The following TMEM132D variants were observed in gnomAD, a reference collection of about 807,000 sequenced individuals.
TMEM132D encodes mature OL transmembrane protein.
TMEM132D carries 21 observed loss-of-function variants against 62.3 expected under a neutral mutation model. The ratio of observed to expected loss-of-function variants is 0.34; its 90% confidence interval spans 0.24 to 0.49. TMEM132D has a LOEUF of 0.49. Ranked by LOEUF, TMEM132D falls within the 20% of genes least tolerant of loss-of-function variation. TMEM132D has a pLI of 0.99. For missense variants in TMEM132D, 1,346 were observed against 1,402.8 expected (o/e 0.96, Z 0.65); for synonymous variants, 621 against 575.6 (o/e 1.08, Z -1.13).
intron 2 of TMEM132D, among the ~76,000 whole-genome samples, chr12:129,541,771 T>TA (rs1481841782): frequency 2.0e-5 from 3 of 152,168 alleles, no homozygotes; most frequent in Admixed American, 2.0e-4. Flanking sequence ...TAATGAACCC[T>TA]AAGCCATGTC....
chr12:129,801,110 A>C (rs1871763152), intron 1 of TMEM132D, among the ~76,000 whole-genome samples: 1 of 152,226 alleles, frequency 6.6e-6, no homozygotes, highest in East Asian at 1.9e-4. Flanking sequence ...TCTGAGATCA[A>C]ACTGCAAGGC....
intron 2 of TMEM132D, among the ~76,000 whole-genome samples, chr12:129,651,339 G>T (rs1048610776): frequency 6.6e-6 from 1 of 152,132 alleles, no homozygotes; most frequent in Non-Finnish European, 1.5e-5. Context: ...TGTATGAAAA[G>T]CATTGCACCA....
At position 129,787,681 on chromosome 12, in the gene TMEM132D, A is replaced by G. The variant is rs902482537; in HGVS notation, c.80-86983T>C. On this transcript the variant is annotated intron_variant, in intron 1 of 8. Coordinates refer to ENST00000422113, the MANE Select transcript of TMEM132D (RefSeq NM_133448.3). ...GGGAGAGAATCCCTGAGTTCATATC[A>G]GCTCCCTCCCAAAATTTCATCAACA... Among the ~76,000 whole-genome samples, 7 of 152,174 alleles carry G rather than the reference A, an allele frequency of 4.6e-5. No homozygotes were observed. The South Asian group carries it at 1.2e-3, about 27-fold the overall frequency.
At chr12:129,693,709 G>C (rs932574328) in intron 2 of TMEM132D, among the ~76,000 whole-genome samples, 1 of 152,134 alleles carries the variant, frequency 6.6e-6, no homozygotes, top group African/African-American at 2.4e-5. Flanking sequence ...CTTCAGTAGG[G>C]AAATTTCCCC....
rs531021821 is a variant in TMEM132D, at chr12:129,484,685, A to C, written c.1115+46374T>G. ...TTCTTCTGTCTTCAGTTTCTGGAAA[A>C]GTTAGAGGCAGTTTAGCCTTCTCAG... On this transcript the variant is annotated intron_variant, in intron 3 of 8. Coordinates refer to ENST00000422113, the MANE Select transcript of TMEM132D (RefSeq NM_133448.3). Among the ~76,000 whole-genome samples, 141 of 152,336 alleles carry C rather than the reference A, an allele frequency of 9.3e-4. 1 individual carries two copies. The highest frequency in any genetic ancestry group is 4.9e-4 in the Non-Finnish European group (33 of 68,036).
intron 1 of TMEM132D, among the ~76,000 whole-genome samples, chr12:129,818,407 G>T: frequency 6.8e-6 from 1 of 146,086 alleles, no homozygotes; most frequent in Non-Finnish European, 1.5e-5. Context: ...GGGTGTGTGT[G>T]GGGTTTTAAG....
At chr12:129,680,201 G>A (rs150925774) in intron 2 of TMEM132D, among the ~76,000 whole-genome samples, 7 of 152,226 alleles carry the variant, frequency 4.6e-5, no homozygotes, top group South Asian at 2.1e-4. Context: ...TTTCTTCCAC[G>A]CGCTTGGATA....
chr12:129,501,340 C>T (rs1341300122), intron 3 of TMEM132D, among the ~76,000 whole-genome samples: 1 of 151,892 alleles, frequency 6.6e-6, no homozygotes, highest in East Asian at 1.9e-4. Context: ...AGAAAAGTAG[C>T]TTAGGGAACC....
intron 2 of TMEM132D, among the ~76,000 whole-genome samples, chr12:129,557,274 C>G (rs1877088982): frequency 6.6e-6 from 1 of 152,060 alleles, no homozygotes. Context: ...CATATAGATT[C>G]AAATTTATTT....
chr12:129,774,003 A>G (rs1237134691), intron 1 of TMEM132D, among the ~76,000 whole-genome samples: 4 of 152,214 alleles, frequency 2.6e-5, no homozygotes, highest in Admixed American at 2.0e-4. Flanking sequence ...CACTGAATAC[A>G]TGTTTGCTAC....
At chr12:129,440,804 G>A (rs1872916138) in intron 3 of TMEM132D, among the ~76,000 whole-genome samples, 1 of 152,218 alleles carries the variant, frequency 6.6e-6, no homozygotes, top group South Asian at 2.1e-4. Context: ...TTGAAGCCTG[G>A]GTTGGCAGGG....
At chr12:129,385,085 CTTTTTTTTT>C (rs869098367) in intron 3 of TMEM132D, among the ~76,000 whole-genome samples, 947 of 86,882 alleles carry the variant, frequency 0.011, 7 homozygotes, top group South Asian at 0.039. Flanking sequence ...TGTTAAAGTT[CTTTTTTTTT>C]TTTTTTTTTT....
intron 3 of TMEM132D, among the ~76,000 whole-genome samples, chr12:129,370,344 T>C (rs1870553769): frequency 6.6e-6 from 1 of 152,198 alleles, no homozygotes; most frequent in African/African-American, 2.4e-5. Context: ...AAATCCATGG[T>C]TCCCAAATGA....
intron 3 of TMEM132D, among the ~76,000 whole-genome samples, chr12:129,448,814 A>C (rs1873182725): frequency 6.6e-6 from 1 of 152,254 alleles, no homozygotes; most frequent in Non-Finnish European, 1.5e-5. Flanking sequence ...CTGATGCTCC[A>C]AGCCTAAAGT....
intron 2 of TMEM132D, among the ~76,000 whole-genome samples, chr12:129,692,505 T>C (rs1434256546): frequency 6.6e-6 from 1 of 152,134 alleles, no homozygotes; most frequent in Non-Finnish European, 1.5e-5. Flanking sequence ...CCCAAAGGAA[T>C]ATAAATCATT....
At chr12:129,349,043 C>G (rs997327153) in intron 3 of TMEM132D, among the ~76,000 whole-genome samples, 21 of 152,204 alleles carry the variant, frequency 1.4e-4, no homozygotes, top group African/African-American at 4.6e-4. Flanking sequence ...TGCCATTTTA[C>G]TTATCCTTTA....
chr12:129,549,476 T>G (rs1876830635), intron 2 of TMEM132D, among the ~76,000 whole-genome samples: 2 of 152,208 alleles, frequency 1.3e-5, no homozygotes, highest in South Asian at 2.1e-4. Context: ...GATGGTTTTG[T>G]AAGAGGAAAC....
intron 1 of TMEM132D, among the ~76,000 whole-genome samples, chr12:129,759,415 T>C (rs1352966018): frequency 6.6e-6 from 1 of 152,196 alleles, no homozygotes; most frequent in African/African-American, 2.4e-5. Flanking sequence ...AAAGGCCCTT[T>C]GAACTAGCAG....
intron 3 of TMEM132D, among the ~76,000 whole-genome samples, chr12:129,530,042 G>T (rs11060401): frequency 6.6e-6 from 1 of 152,132 alleles, no homozygotes; most frequent in East Asian, 1.9e-4. Context: ...GAATAAAAAG[G>T]AAAGGCCCAA....
Sources: gnomAD v4.1 joint callset for allele counts (sites outside exome capture counted in the v4.1 genomes callset) on GRCh38, gnomAD v4.1.1 for gene constraint, MANE v1.5 for transcripts, NCBI Gene and HGNC (gene_info 2026-07-23, HGNC 2026-07-21) for gene names.